SEPTIN8: variants seen among roughly 807,000 people sequenced by gnomAD.
SEPTIN8 encodes the protein septin 8.
Under a neutral mutation model 53.1 loss-of-function variants are expected in SEPTIN8, and 22 were observed. The ratio of observed to expected loss-of-function variants is 0.41; its 90% CI spans 0.30 to 0.59. The LOEUF (loss-of-function observed/expected upper bound fraction) is 0.59. Ranked by LOEUF, SEPTIN8 falls within the 20% of genes least tolerant of loss-of-function variation. The probability of loss-of-function intolerance (pLI) is 0.24; values close to 1 mark genes in which losing one functional copy is unlikely to be tolerated. For missense variants in SEPTIN8, 536 were observed against 638.7 expected (o/e 0.84, Z 1.73); for synonymous variants, 228 against 248.4 (o/e 0.92, Z 0.77).
chr5:132,772,777 T>C (rs1404562670), intron 1 of SEPTIN8, among the ~76,000 whole-genome samples: 1 of 152,150 alleles, frequency 6.6e-6, no homozygotes, highest in Non-Finnish European at 1.5e-5. Flanking sequence ...AGGCAGAATG[T>C]CAGGTTTGTA....
rs762686703 is a variant in SEPTIN8, at chr5:132,776,319, G to C, written c.30+789C>G. ...GGATGTCCAGATACAACCCCCCAAA[G>C]GCCTCCCTCCCGCGAGTGAATTATG... On this transcript the variant is annotated intron_variant, in intron 1 of 9. Transcript: ENST00000378719. The surrounding 1 kb of genome is among the most constrained non-coding windows in gnomAD (Gnocchi z 4.4). Among the ~76,000 whole-genome samples, 9 of 152,142 alleles carry C rather than the reference G, an allele frequency of 5.9e-5. No homozygotes were observed. The highest frequency in any genetic ancestry group is 1.0e-4 in the Non-Finnish European group (7 of 68,036).
intron 2 of SEPTIN8, 84 bp from the exon 3 acceptor site, chr5:132,764,503 G>T: frequency 8.5e-7 from 1 of 1,178,832 alleles, no homozygotes; most frequent in Non-Finnish European, 1.2e-6. Context: ...GGCCAGGCAG[G>T]GCTCAGGCAT....
rs1227714152 is a variant in SEPTIN8 at position 132,773,789 on chromosome 5, C to G, written c.30+3319G>C. The G allele has an allele frequency of 6.6e-6, 1 of 152,578 alleles. No individual in the cohort carries two copies. Among genetic ancestry groups the G allele is most frequent in the Non-Finnish European group, 1.5e-5 (1 of 68,338 alleles). The allele number at this position is 152,578 out of a possible 1,614,324, so 9.5% of individuals were successfully genotyped here. Reference sequence around the variant, plus strand: ...TGGTCAGTCTTTTAGCATGTGCTCCCTGGAATGACCAATGCTTTCCATCAG... The same window carrying G: ...TGGTCAGTCTTTTAGCATGTGCTCCGTGGAATGACCAATGCTTTCCATCAG... On this transcript the variant is annotated intron_variant, in intron 1 of 9. Coordinates refer to ENST00000378719, the MANE Select transcript of SEPTIN8 (RefSeq NM_001098811.2). The surrounding 1 kb of genome is among the most constrained non-coding windows in gnomAD (Gnocchi z 4.2).
intron 9 of SEPTIN8, chr5:132,753,542 CCT>C (rs1352873825): frequency 5.9e-5 from 9 of 153,610 alleles, no homozygotes; most frequent in African/African-American, 2.2e-4. Flanking sequence ...TTATGTCTTC[CCT>C]TTACAAGGAC....
At chr5:132,772,912 C>T (rs1757455609) in intron 1 of SEPTIN8, among the ~76,000 whole-genome samples, 1 of 152,322 alleles carries the variant, frequency 6.6e-6, no homozygotes, top group South Asian at 2.1e-4. Flanking sequence ...CACCTGCCAG[C>T]AGACATGGGC....
At chr5:132,778,336 G>A (rs903643257), upstream of SEPTIN8, 3 of 142,878 alleles carry the variant, frequency 2.1e-5, no homozygotes, top group African/African-American at 9.0e-5. Flanking sequence ...TCAGAAACTT[G>A]TGCTGACTGG....
At chr5:132,770,077 ATATG>A (rs1757111382) in intron 1 of SEPTIN8, among the ~76,000 whole-genome samples, 7 of 58,724 alleles carry the variant, frequency 1.2e-4, no homozygotes, top group African/African-American at 2.8e-4. Flanking sequence ...ATATATATAT[ATATG>A]TATATATGTA....
In SEPTIN8 at chr5:132,777,156, C is replaced by A. The variant is rs542532404; in HGVS notation, c.-19G>T. 0.044 allele frequency: 12,435 copies of A among 279,682 alleles called. 91 individuals carry two copies. Among genetic ancestry groups the A allele is most frequent in the Middle Eastern group, 0.088 (64 of 726 alleles). The allele number at this position is 279,682 out of a possible 1,614,324, so 17.3% of individuals were successfully genotyped here. ...CCGCCATGGCGAGCTCCGCACCGGG[C>A]GGGTGGGCTGGGACGAGCGCAGGGG... On this transcript the variant is annotated 5_prime_UTR_variant, in exon 1 of 10. Coordinates refer to ENST00000378719, the MANE Select transcript of SEPTIN8 (RefSeq NM_001098811.2). The surrounding 1 kb of genome is among the most constrained non-coding windows in gnomAD (Gnocchi z 4.1).
At chr5:132,758,289 C>G (rs1755530904) in intron 9 of SEPTIN8, 1 of 1,343,990 alleles carries the variant, frequency 7.4e-7, no homozygotes, top group African/African-American at 1.5e-5. Context: ...TATTATTTGT[C>G]TTGACGCTGG....
chr5:132,766,516 G>A (rs964002866), intron 1 of SEPTIN8, among the ~76,000 whole-genome samples: 2 of 152,336 alleles, frequency 1.3e-5, no homozygotes, highest in African/African-American at 4.8e-5. Flanking sequence ...AATGCTGCCC[G>A]AGGGAAGGTT....
intron 4 of SEPTIN8, among the ~76,000 whole-genome samples, 160 bp downstream of exon 4, chr5:132,763,546 A>G (rs30508): frequency 0.36 from 54,329 of 152,010 alleles, 16,251 homozygotes; most frequent in African/African-American, 0.79. Flanking sequence ...GAGCAGGAGG[A>G]ACAGACGCAA....
At chr5:132,758,496 C>A (rs377670560) in intron 9 of SEPTIN8, 8 of 1,612,366 alleles carry the variant, frequency 5.0e-6, no homozygotes, top group Admixed American at 1.7e-5. Context: ...TTCGCTAGAG[C>A]GGCACATAAC....
chr5:132,761,612 G>A lies in SEPTIN8; in HGVS notation c.808C>T (p.His270Tyr). ...TCCCGCAGCTTCACGAAGTCGCAGT[G>A]ATTCTCATTCTCCACTGAAAGCAGA... ...WGVVQVENEN[H>Y]CDFVKLREML... Residue 270 changes from histidine (H) to tyrosine (Y), a missense_variant, in exon 7 of 10, where the codon CAC (histidine) becomes TAC (tyrosine). Transcript: ENST00000378719. This position sits in a 1 kb window ranked among gnomAD's most constrained non-coding sequence, Gnocchi z 5.8. 6.2e-7 allele frequency: 1 copy of A among 1,613,940 alleles called. No homozygotes were observed. The highest frequency in any genetic ancestry group is 8.5e-7 in the Non-Finnish European group (1 of 1,179,964).
chr5:132,758,777 T>C, intron 9 of SEPTIN8: 1 of 1,614,050 alleles, frequency 6.2e-7, no homozygotes, highest in East Asian at 2.2e-5. Flanking sequence ...ACTTAACACA[T>C]GAAAGTCTAA....
chr5:132,756,496 A>C, intron 9 of SEPTIN8: 1 of 985,462 alleles, frequency 1.0e-6, no homozygotes, highest in African/African-American at 1.7e-5. Context: ...GACAATGAGA[A>C]AAAGAGGGGT....
At chr5:132,764,060 G>C in intron 3 of SEPTIN8, 164 bp downstream of exon 3, 3 of 938,130 alleles carry the variant, frequency 3.2e-6, no homozygotes, top group Non-Finnish European at 4.7e-6. Flanking sequence ...CCCTTCTCCA[G>C]ACACCTAAAG....
intron 3 of SEPTIN8, 140 bp downstream of exon 3, chr5:132,764,083 TG>T: frequency 1.0e-6 from 1 of 988,000 alleles, no homozygotes; most frequent in Non-Finnish European, 1.5e-6. Context: ...GTAACTGGTC[TG>T]TTGGTGACCA....
intron 2 of SEPTIN8, 115 bp downstream of exon 2, chr5:132,765,294 C>G (rs1756466904): frequency 7.6e-7 from 1 of 1,311,444 alleles, no homozygotes; most frequent in Admixed American, 2.1e-5. Context: ...CTGACACCCC[C>G]AAAGTTTCAC....
At chr5:132,762,377 C>T in intron 5 of SEPTIN8, 107 bp downstream of exon 5, 1 of 1,143,700 alleles carries the variant, frequency 8.7e-7, no homozygotes, top group Non-Finnish European at 1.3e-6. Flanking sequence ...CCTGGAGAAG[C>T]TAAGGCTGGA....
Sources: allele counts gnomAD v4.1 joint callset (sites outside exome capture counted in the v4.1 genomes callset), GRCh38; gene constraint gnomAD v4.1.1; non-coding constraint Gnocchi (gnomAD v3.1); transcripts MANE v1.5; gene names NCBI Gene and HGNC (gene_info 2026-07-23, HGNC 2026-07-21).